Variants in PDE1C observed in about 807,000 individuals in gnomAD.
PDE1C encodes the protein dual specificity calcium/calmodulin-dependent 3',5'-cyclic nucleotide phosphodiesterase 1C.
Under a neutral mutation model 93.1 loss-of-function variants are expected in PDE1C, and 62 were observed. The observed-to-expected ratio is 0.67, with a 90% CI of 0.54 to 0.82. PDE1C has a LOEUF of 0.82. Among genes scored for constraint, PDE1C ranks in the 40% least tolerant of loss-of-function variants. The pLI is 0.00. For synonymous variants in PDE1C, 325 were observed against 310.1 expected, an observed-to-expected ratio of 1.05 and a Z score of -0.50; for missense variants, 742 against 884.6, an observed-to-expected ratio of 0.84 and a Z score of 2.04.
chr7:32,237,767 T>TATATATATATATATATATATAA, intron 1 of PDE1C, among the ~76,000 whole-genome samples: 1 of 40,514 alleles, frequency 2.5e-5, no homozygotes, highest in South Asian at 1.5e-3. Flanking sequence ...TATATACTTT[T>TATATATATATATATATATATAA]TTTTTTTTTT....
intron 1 of PDE1C, among the ~76,000 whole-genome samples, chr7:32,389,640 C>T (rs895808718): frequency 6.6e-5 from 10 of 152,158 alleles, no homozygotes; most frequent in East Asian, 1.9e-4. Flanking sequence ...GGGACCTGGC[C>T]GCTTCATGTG....
At chr7:32,011,153 G>A (rs1414250286) in intron 2 of PDE1C, among the ~76,000 whole-genome samples, 1 of 151,704 alleles carries the variant, frequency 6.6e-6, no homozygotes, top group African/African-American at 2.4e-5. Context: ...ACTTGTATCT[G>A]AAATATACAA....
intron 1 of PDE1C, among the ~76,000 whole-genome samples, chr7:32,235,927 A>T (rs778354005): frequency 3.9e-5 from 6 of 152,142 alleles, no homozygotes; most frequent in Non-Finnish European, 7.4e-5. Context: ...ACAGTATGGT[A>T]TTAACAAAGG....
chr7:32,025,964 G>C (rs532168513), intron 2 of PDE1C, among the ~76,000 whole-genome samples: 1 of 152,192 alleles, frequency 6.6e-6, no homozygotes, highest in Admixed American at 6.5e-5. Flanking sequence ...TGCTAATGAG[G>C]CCCCTCTACC....
At chr7:32,079,101 C>G (rs1232058448) in intron 3 of PDE1C, among the ~76,000 whole-genome samples, 2 of 152,194 alleles carry the variant, frequency 1.3e-5, no homozygotes, top group Non-Finnish European at 2.9e-5. Context: ...TGAAGATTTA[C>G]AGATTCTTTT....
In PDE1C at chr7:31,927,291, C is replaced by A. The variant is rs758580746; in HGVS notation, c.129-46431G>T. On this transcript the variant is annotated intron_variant, in intron 2 of 17. Coordinates refer to ENST00000396191, the MANE Select transcript of PDE1C (RefSeq NM_001191057.4). ...ACATCTCTGAAAGAAAGGCGGCAGC[C>A]TCAGTCAGGGGCTTATAGATAAAAC... is the stretch of plus-strand genomic sequence containing the variant. 1.9e-4 allele frequency among the ~76,000 whole-genome samples: 29 copies of A among 152,204 alleles called. 1 individual carries two copies. The highest frequency in any genetic ancestry group is 4.1e-4 in the Non-Finnish European group (28 of 68,046).
the PDE1C span, among the ~76,000 whole-genome samples, chr7:31,637,185 C>T: frequency 7.2e-4 from 110 of 151,864 alleles, no homozygotes; most frequent in African/African-American, 2.1e-3. Flanking sequence ...TGAATAGTGC[C>T]GCAATAAACA....
intron 1 of PDE1C, among the ~76,000 whole-genome samples, chr7:32,236,882 C>G (rs1808122779): frequency 4.6e-5 from 7 of 152,050 alleles, no homozygotes; most frequent in Admixed American, 4.6e-4. Context: ...AAACTGGAAA[C>G]AACCCAAATG....
At chr7:31,642,769 G>A in the PDE1C span, 98 of 1,613,872 alleles carry the variant, frequency 6.1e-5, no homozygotes, top group Middle Eastern at 3.3e-4. Flanking sequence ...ATCATCCCAG[G>A]ACTGTCAGCT....
intron 2 of PDE1C, among the ~76,000 whole-genome samples, chr7:32,015,101 T>A (rs1290465608): frequency 6.6e-6 from 1 of 152,096 alleles, no homozygotes; most frequent in Non-Finnish European, 1.5e-5. Context: ...TGCCTTGCCC[T>A]CCTTCCTGCC....
chr7:32,332,799 A>G (rs768929914), intron 1 of PDE1C, among the ~76,000 whole-genome samples: 1 of 152,330 alleles, frequency 6.6e-6, no homozygotes, highest in South Asian at 2.1e-4. Flanking sequence ...ACAGTATTCT[A>G]TGATTCAATT....
At chr7:32,223,615 A>G (rs1054018060) in intron 1 of PDE1C, among the ~76,000 whole-genome samples, 19 of 152,098 alleles carry the variant, frequency 1.2e-4, no homozygotes, top group African/African-American at 3.1e-4. Flanking sequence ...GAATTAGCCT[A>G]TTTACTCATG....
At chr7:31,964,028 G>A (rs1033233353) in intron 2 of PDE1C, among the ~76,000 whole-genome samples, 2 of 152,226 alleles carry the variant, frequency 1.3e-5, no homozygotes, top group African/African-American at 4.8e-5. Flanking sequence ...CTCCCAGTGT[G>A]AGCGATAAAG....
chr7:31,696,494 T>A, the PDE1C span, among the ~76,000 whole-genome samples: 510 of 152,142 alleles, frequency 3.4e-3, 5 homozygotes, highest in African/African-American at 0.012. Flanking sequence ...TGGAGAAAAA[T>A]TTCACTGTAG....
intron 1 of PDE1C, among the ~76,000 whole-genome samples, chr7:32,393,765 C>T (rs1357848366): frequency 6.6e-6 from 1 of 152,122 alleles, no homozygotes; most frequent in Non-Finnish European, 1.5e-5. Context: ...AAAATATATC[C>T]TTATGCCACT....
At chr7:32,137,487 C>G (rs1258249558) in intron 3 of PDE1C, among the ~76,000 whole-genome samples, 1 of 152,122 alleles carries the variant, frequency 6.6e-6, no homozygotes, top group Non-Finnish European at 1.5e-5. Context: ...TGATTAGCAA[C>G]CATGGTTAAA....
chr7:31,823,250 T>C lies in PDE1C; in HGVS notation c.1407-2A>G, dbSNP rs767497619. On this transcript the variant is annotated splice_acceptor_variant, in intron 13 of 17. Coordinates refer to ENST00000396191, the MANE Select transcript of PDE1C (RefSeq NM_001191057.4). LOFTEE classifies it high-confidence loss of function. ...TCTGACGAGCTGATGCTATTCAAAC[T>C]GGAAAACAAAAAAATCATACCAAAG... The C allele has an allele frequency of 6.3e-7, 1 of 1,599,124 alleles. No individual in the cohort carries two copies. The highest frequency in any genetic ancestry group is 1.8e-5 in the Admixed American group (1 of 56,080).
rs201863179 is a variant in PDE1C, at chr7:31,898,018, C to CT, written c.129-17159dup. On this transcript the variant is annotated intron_variant, in intron 2 of 17. Transcript: ENST00000396191. ...CCTAAGTAACAGAAGGGTTTGGTTT[C>CT]TTTGTGTGTGTGTGTGTGTGTGTGT... Among the ~76,000 whole-genome samples, 597 of 122,908 alleles carry CT rather than the reference C, an allele frequency of 4.9e-3. 5 individuals carry two copies. Among genetic ancestry groups the CT allele is most frequent in the African/African-American group, 0.018 (565 of 31,770 alleles). The allele number at this position is 122,908 out of a possible 152,430, so 80.6% of individuals were successfully genotyped here. A position where few individuals can be genotyped will look rare whatever the true frequency, so the allele number is the denominator to read the frequency against.
At chr7:32,195,052 C>T (rs945758441) in intron 2 of PDE1C, among the ~76,000 whole-genome samples, 1 of 152,124 alleles carries the variant, frequency 6.6e-6, no homozygotes, top group African/African-American at 2.4e-5. Flanking sequence ...CTTTACATCC[C>T]TTTACTTTCT....
Sources: allele counts gnomAD v4.1 joint callset (sites outside exome capture counted in the v4.1 genomes callset), GRCh38; gene constraint gnomAD v4.1.1; transcripts MANE v1.5; gene names NCBI Gene and HGNC (gene_info 2026-07-23, HGNC 2026-07-21).